The following SPMIP2 variants were observed in gnomAD, a reference collection of about 807,000 sequenced individuals.
The protein encoded by SPMIP2 is sperm microtubule inner protein 2.
the SPMIP2 span, among the ~76,000 whole-genome samples, chr4:159,008,745 T>G: frequency 6.6e-6 from 1 of 152,252 alleles, no homozygotes; most frequent in Non-Finnish European, 1.5e-5. Context: ...ATGTTGACTA[T>G]TCTTAAATAA....
chr4:158,983,340 A>G, the SPMIP2 span, among the ~76,000 whole-genome samples: 1 of 151,606 alleles, frequency 6.6e-6, no homozygotes, highest in East Asian at 1.9e-4. Flanking sequence ...GAGAAGAGCA[A>G]CTCCAAGACA....
At chr4:159,008,002 T>C in the SPMIP2 span, among the ~76,000 whole-genome samples, 1,078 of 152,276 alleles carry the variant, frequency 7.1e-3, 10 homozygotes, top group African/African-American at 0.024. Context: ...CTTGGGAGGC[T>C]GGGGTGGGAG....
the SPMIP2 span, chr4:159,035,225 C>G: frequency 1.5e-6 from 1 of 685,150 alleles, no homozygotes; most frequent in Non-Finnish European, 2.5e-6. Flanking sequence ...CAGGTGGTTG[C>G]TAATGACTCT....
At chr4:158,979,433 C>T in the SPMIP2 span, among the ~76,000 whole-genome samples, 2 of 152,100 alleles carry the variant, frequency 1.3e-5, no homozygotes, top group African/African-American at 2.4e-5. Flanking sequence ...GGAAGGCTGG[C>T]AAGATGGCTG....
chr4:158,893,781 A>G, the SPMIP2 span: 11 of 1,146,732 alleles, frequency 9.6e-6, no homozygotes, highest in African/African-American at 3.1e-5. Context: ...CCAAACTTTT[A>G]TATTTCATTC....
chr4:159,004,330 G>C, the SPMIP2 span, among the ~76,000 whole-genome samples: 6 of 73,778 alleles, frequency 8.1e-5, no homozygotes, highest in African/African-American at 3.1e-4. Context: ...TCACTCTTTT[G>C]CCCAGGCTGG....
the SPMIP2 span, among the ~76,000 whole-genome samples, chr4:159,023,860 G>T: frequency 6.6e-6 from 1 of 152,282 alleles, no homozygotes; most frequent in South Asian, 2.1e-4. Context: ...AGCCAGAGAA[G>T]GTCACCTGAC....
At chr4:159,046,853 G>A in the SPMIP2 span, among the ~76,000 whole-genome samples, 2 of 152,338 alleles carry the variant, frequency 1.3e-5, no homozygotes, top group East Asian at 1.9e-4. Context: ...GATTACAGGC[G>A]TGAGCAACTA....
the SPMIP2 span, among the ~76,000 whole-genome samples, chr4:159,020,952 G>A: frequency 1.3e-5 from 2 of 152,100 alleles, no homozygotes; most frequent in South Asian, 2.1e-4. Context: ...TAGTGGAGAC[G>A]GGGTTTCACC....
At chr4:158,996,814 C>T in the SPMIP2 span, among the ~76,000 whole-genome samples, 1 of 152,298 alleles carries the variant, frequency 6.6e-6, no homozygotes, top group African/African-American at 2.4e-5. Context: ...TCCTAGAAAA[C>T]CTCAGATAAA....
At chr4:158,960,303 G>T in the SPMIP2 span, 1 of 1,559,598 alleles carries the variant, frequency 6.4e-7, no homozygotes. Context: ...TTTGATATCT[G>T]TGGGTTATTG....
chr4:159,046,554 T>C, the SPMIP2 span, among the ~76,000 whole-genome samples: 2 of 152,294 alleles, frequency 1.3e-5, no homozygotes, highest in South Asian at 4.1e-4. Flanking sequence ...TGTTCATTTC[T>C]TGTTTTGTTT....
At chr4:158,954,475 TA>T in the SPMIP2 span, among the ~76,000 whole-genome samples, 1 of 152,226 alleles carries the variant, frequency 6.6e-6, no homozygotes, top group Non-Finnish European at 1.5e-5. Context: ...GAAAACGGAC[TA>T]ATACAAAGGA....
the SPMIP2 span, among the ~76,000 whole-genome samples, chr4:158,977,557 T>C: frequency 1.2e-5 from 1 of 84,086 alleles, no homozygotes; most frequent in African/African-American, 3.7e-5. Context: ...CCTGGATTCA[T>C]TGATTTTTTG....
At chr4:158,893,490 A>C in the SPMIP2 span, 2 of 521,564 alleles carry the variant, frequency 3.8e-6, 1 homozygote, top group South Asian at 6.3e-5. Context: ...AATAACAATT[A>C]GTTTCATGAA....
chr4:159,052,955 AT>A, the SPMIP2 span, among the ~76,000 whole-genome samples: 2,386 of 131,842 alleles, frequency 0.018, 74 homozygotes, highest in African/African-American at 0.067. Flanking sequence ...TATTATTATT[AT>A]TTTTTTTTTT....
the SPMIP2 span, among the ~76,000 whole-genome samples, chr4:158,894,275 A>G: frequency 6.6e-6 from 1 of 151,278 alleles, no homozygotes; most frequent in Admixed American, 6.6e-5. Flanking sequence ...GGCTCAAGCA[A>G]TCCTCCCACC....
chr4:159,010,640 T>C, the SPMIP2 span, among the ~76,000 whole-genome samples: 1 of 152,178 alleles, frequency 6.6e-6, no homozygotes, highest in South Asian at 2.1e-4. Context: ...GTGGCATGCA[T>C]AACCAAAAAT....
chr4:158,992,654 C>T, the SPMIP2 span, among the ~76,000 whole-genome samples: 4 of 152,110 alleles, frequency 2.6e-5, no homozygotes, highest in Non-Finnish European at 5.9e-5. Flanking sequence ...GCTGGGAGTC[C>T]AAGATCAAGG....
Sources: gnomAD v4.1 joint callset for allele counts (sites outside exome capture counted in the v4.1 genomes callset) on GRCh38, gnomAD v4.1.1 for gene constraint, MANE v1.5 for transcripts, NCBI Gene and HGNC (gene_info 2026-07-23, HGNC 2026-07-21) for gene names.